The following SP4 variants were observed in gnomAD, a reference collection of about 807,000 sequenced individuals.
SP4 encodes the protein Sp4 transcription factor, also known as transcription factor Sp4.
Under a neutral mutation model 72.8 loss-of-function variants are expected in SP4, and 19 were observed. The ratio of observed to expected loss-of-function variants is 0.26; its 90% CI spans 0.18 to 0.38. SP4 has a LOEUF of 0.38. SP4 is among the 10% of genes least tolerant of loss of function. The pLI is 1.00. For synonymous variants in SP4, 395 were observed against 333.1 expected (o/e 1.19, Z -2.02); for missense variants, 1,008 against 926.3 (o/e 1.09, Z -1.14).
chr7:21,434,363 T>C (rs1386083363), intron 3 of SP4, among the ~76,000 whole-genome samples: 3 of 152,180 alleles, frequency 2.0e-5, no homozygotes, highest in Admixed American at 1.3e-4. Flanking sequence ...AAACCAGTAC[T>C]TGAAGCTGGG....
chr7:21,507,159 C>G (rs899082336), intron 5 of SP4, among the ~76,000 whole-genome samples: 2 of 152,234 alleles, frequency 1.3e-5, no homozygotes, highest in East Asian at 3.9e-4. Context: ...TCTGCTAAAC[C>G]GAGTGGATCT....
chr7:21,504,091 C>T (rs1441656808), intron 5 of SP4, among the ~76,000 whole-genome samples: 1 of 152,108 alleles, frequency 6.6e-6, no homozygotes, highest in Admixed American at 6.5e-5. Flanking sequence ...GAGCAGGCTA[C>T]ATAGTCTAAT....
intron 4 of SP4, among the ~76,000 whole-genome samples, chr7:21,477,843 T>G (rs936624477): frequency 2.6e-5 from 4 of 152,044 alleles, no homozygotes; most frequent in African/African-American, 4.8e-5. Context: ...CCCAGCCCAT[T>G]TTTTTTCTTT....
chr7:21,449,330 C>T (rs1241276832), intron 3 of SP4, among the ~76,000 whole-genome samples: 2 of 152,210 alleles, frequency 1.3e-5, no homozygotes, highest in African/African-American at 2.4e-5. Context: ...TGTGCCGCCT[C>T]CTCTTGGGAA....
At chr7:21,469,479 A>G (rs1478035242) in intron 3 of SP4, among the ~76,000 whole-genome samples, 2 of 152,154 alleles carry the variant, frequency 1.3e-5, no homozygotes, top group Non-Finnish European at 2.9e-5. Flanking sequence ...ATTTATTTTC[A>G]TCAAAATAGG....
chr7:21,485,771 A>G (rs1393205241), intron 5 of SP4, among the ~76,000 whole-genome samples: 4 of 151,944 alleles, frequency 2.6e-5, no homozygotes, highest in African/African-American at 7.2e-5. Context: ...AGTTATTTCA[A>G]GTTTTTAAGA....
chr7:21,485,002 A>G (rs536492186), intron 5 of SP4, among the ~76,000 whole-genome samples: 2 of 152,000 alleles, frequency 1.3e-5, no homozygotes, highest in Non-Finnish European at 3.0e-5. Context: ...TGGTTCAAAC[A>G]TCTTAAATAT....
chr7:21,495,444 CTT>C (rs143392756), intron 5 of SP4, among the ~76,000 whole-genome samples: 10,823 of 151,636 alleles, frequency 0.071, 862 homozygotes, highest in East Asian at 0.27. Context: ...GGATTTGACA[CTT>C]CACCAGAGAA....
At chr7:21,471,127 G>A (rs1182102447) in intron 3 of SP4, 1 of 534,692 alleles carries the variant, frequency 1.9e-6, no homozygotes, top group South Asian at 1.4e-5. Context: ...TGGTGAGAGT[G>A]GGCATGGAGC....
intron 5 of SP4, among the ~76,000 whole-genome samples, chr7:21,491,457 G>C (rs963650354): frequency 1.1e-4 from 16 of 152,004 alleles, no homozygotes; most frequent in African/African-American, 3.9e-4. Flanking sequence ...TTGTGTCATT[G>C]GTCTCCCAGA....
intron 3 of SP4, among the ~76,000 whole-genome samples, chr7:21,457,743 T>G (rs976385263): frequency 2.0e-5 from 3 of 152,072 alleles, no homozygotes; most frequent in African/African-American, 7.2e-5. Flanking sequence ...GGTATGACCA[T>G]GACCCACTGT....
chr7:21,469,948 C>T (rs1388419355), intron 3 of SP4, among the ~76,000 whole-genome samples: 1 of 151,818 alleles, frequency 6.6e-6, no homozygotes, highest in African/African-American at 2.4e-5. Flanking sequence ...AAATCTGATA[C>T]CTGAGAGAGT....
Position 21,428,186 on chromosome 7 carries a change from T to TCCCCCCCCCCCCCCCCCCCCCCC in SP4, c.-65_-64insCCCCCCCCCCCCCCCCCCCCCCC. On this transcript the variant is annotated 5_prime_UTR_variant, in exon 1 of 6. Coordinates refer to ENST00000222584, the MANE Select transcript of SP4 (RefSeq NM_003112.5). The stretch of plus-strand genomic sequence containing the variant: ...GGCGGGACCGGCCTCTCCTCCCGCC[T>TCCCCCCCCCCCCCCCCCCCCCCC]CGCCCCCACCCCCACCCACCTCTAT... 3.4e-6 allele frequency: 1 copy of TCCCCCCCCCCCCCCCCCCCCCCC among 297,750 alleles called. No homozygotes were observed. The highest frequency in any genetic ancestry group is 2.9e-5 in the South Asian group (1 of 34,134). The allele number at this position is 297,750 out of a possible 1,614,324, so 18.4% of individuals were successfully genotyped here. A position where few individuals can be genotyped will look rare whatever the true frequency, so the allele number is the denominator to read the frequency against.
At chr7:21,465,522 G>T (rs746538460) in intron 3 of SP4, among the ~76,000 whole-genome samples, 1 of 152,192 alleles carries the variant, frequency 6.6e-6, no homozygotes, top group Non-Finnish European at 1.5e-5. Context: ...GTGTAAAATA[G>T]TTTAGTTCGA....
intron 5 of SP4, among the ~76,000 whole-genome samples, chr7:21,488,367 TC>T (rs1784879083): frequency 2.0e-5 from 3 of 152,102 alleles, no homozygotes; most frequent in African/African-American, 7.2e-5. Flanking sequence ...CATGTCTCCC[TC>T]CCAGCAGAAG....
Position 21,503,942 on chromosome 7 carries a change from C to G in SP4, c.2108-7080C>G, listed in dbSNP as rs552057841. Reference sequence around the variant, plus strand: ...TGACTCCATTTGTGTAATGTAGATACTAGTTTTCTCATTAGGGGTTTACTT... The same window carrying G: ...TGACTCCATTTGTGTAATGTAGATAGTAGTTTTCTCATTAGGGGTTTACTT... On this transcript the variant is annotated intron_variant, in intron 5 of 5. Transcript: ENST00000222584. 3.9e-5 allele frequency among the ~76,000 whole-genome samples: 6 copies of G among 152,282 alleles called. No homozygotes were observed. In the South Asian group the frequency reaches 1.2e-3, roughly 32 times the overall value.
chr7:21,477,733 G>T (rs1784549593), intron 4 of SP4, among the ~76,000 whole-genome samples: 1 of 152,076 alleles, frequency 6.6e-6, no homozygotes, highest in Non-Finnish European at 1.5e-5. Flanking sequence ...TAGAGGCGGG[G>T]TTTCACCATG....
intron 5 of SP4, among the ~76,000 whole-genome samples, chr7:21,488,513 CT>C (rs1312721057): frequency 6.8e-6 from 1 of 146,668 alleles, no homozygotes; most frequent in African/African-American, 2.5e-5. Context: ...AGATTTAACC[CT>C]TTTATGCCTT....
intron 5 of SP4, among the ~76,000 whole-genome samples, chr7:21,506,427 G>A (rs544534088): frequency 6.6e-6 from 1 of 152,230 alleles, no homozygotes; most frequent in African/African-American, 2.4e-5. Flanking sequence ...CTCTTCAAAT[G>A]CCCTGTCTTT....
Sources: gnomAD v4.1 joint callset for allele counts (sites outside exome capture counted in the v4.1 genomes callset) on GRCh38, gnomAD v4.1.1 for gene constraint, MANE v1.5 for transcripts, NCBI Gene and HGNC (gene_info 2026-07-23, HGNC 2026-07-21) for gene names.